C16orf96: variants seen among roughly 807,000 people sequenced by gnomAD.
The protein encoded by C16orf96 is uncharacterized protein C16orf96.
Under a neutral mutation model 103.6 loss-of-function variants are expected in C16orf96, and 108 were observed. The ratio of observed to expected loss-of-function variants is 1.04; its 90% confidence interval spans 0.89 to 1.22. The LOEUF (loss-of-function observed/expected upper bound fraction) is 1.22, where lower values mean the gene tolerates loss of function less well. C16orf96 is among the 50% of genes most tolerant of loss of function. The pLI is 0.00. For missense variants in C16orf96, 1,586 were observed against 1,464.2 expected, an observed-to-expected ratio of 1.08 and a Z score of -1.36; for synonymous variants, 566 against 593.5, an observed-to-expected ratio of 0.95 and a Z score of 0.67.
At chr16:4,568,326 T>C (rs1456531071) in intron 1 of C16orf96, among the ~76,000 whole-genome samples, 1 of 152,180 alleles carries the variant, frequency 6.6e-6, no homozygotes, top group Non-Finnish European at 1.5e-5. Context: ...CCCTGGAGAG[T>C]ATTCTATGTG....
At chr16:4,549,733 G>C in the C16orf96 span, among the ~76,000 whole-genome samples, 2 of 152,092 alleles carry the variant, frequency 1.3e-5, no homozygotes, top group Non-Finnish European at 2.9e-5. Flanking sequence ...GGGAGGCAGA[G>C]GTTGCAGTGA....
intron 1 of C16orf96, among the ~76,000 whole-genome samples, chr16:4,570,221 A>G (rs2059423065): frequency 6.6e-6 from 1 of 152,154 alleles, no homozygotes; most frequent in Non-Finnish European, 1.5e-5. Context: ...AGTGCTGATA[A>G]TTCGGAATAA....
chr16:4,580,239 A>T, intron 7 of C16orf96, 114 bp downstream of exon 7: 1 of 756,800 alleles, frequency 1.3e-6, no homozygotes, highest in Non-Finnish European at 2.0e-6. Context: ...TGAGGCTGGG[A>T]ACCAGTGGGG....
intron 8 of C16orf96, 97 bp downstream of exon 8, chr16:4,587,210 C>T: frequency 8.4e-7 from 1 of 1,187,292 alleles, no homozygotes; most frequent in Non-Finnish European, 1.2e-6. Context: ...CAGAATTTCC[C>T]TCCCCCTTTG....
At position 4,592,356 on chromosome 16, in the gene C16orf96, G is replaced by A. The variant is rs1399061328; in HGVS notation, c.2763G>A (p.Met921Ile). 1.9e-6 allele frequency: 3 copies of A among 1,551,554 alleles called. No individual in the cohort carries two copies. Among genetic ancestry groups the A allele is most frequent in the Non-Finnish European group, 2.6e-6 (3 of 1,147,004 alleles). The change falls in exon 11 of 16, where the codon ATG becomes ATA. Residue 921 changes from methionine to isoleucine, a missense_variant. Met to Ile is a conservative substitution (Grantham distance 10). Transcript: ENST00000444310. ...KCISCDRPVE[M>I]MTGPQLITIR... Reference sequence around the variant, plus strand: ...TCTCCTGTGACCGGCCTGTGGAGATGATGACTGGCCCGTGAGTACCACCGC... The same window carrying A: ...TCTCCTGTGACCGGCCTGTGGAGATAATGACTGGCCCGTGAGTACCACCGC...
At chr16:4,588,445 C>G in intron 9 of C16orf96, 114 bp downstream of exon 9, 1 of 1,242,156 alleles carries the variant, frequency 8.1e-7, no homozygotes, top group East Asian at 2.6e-5. Flanking sequence ...GGGAGTGACC[C>G]AGCAACTTAG....
intron 9 of C16orf96, among the ~76,000 whole-genome samples, chr16:4,589,708 A>T (rs1197250089): frequency 6.6e-6 from 1 of 152,194 alleles, no homozygotes; most frequent in Non-Finnish European, 1.5e-5. Flanking sequence ...TGGAGATGAC[A>T]TCCAATTCAG....
rs1567446423 is a variant in C16orf96 at position 4,575,968 on chromosome 16, T to A, written c.1488T>A (p.Asp496Glu). 2 of 1,549,876 alleles carry A rather than the reference T, an allele frequency of 1.3e-6. No homozygotes were observed. The highest frequency in any genetic ancestry group is 1.7e-4 in the Middle Eastern group (1 of 5,934). ...TCCCCAAAGATAGAGGTGGCAAGGA[T>A]GTGGACCCCAAGGATAGAGCTCACA... Reference protein sequence around the residue: ...DGVPKDRGGKDVDPKDRAHKD... With the variant: ...DGVPKDRGGKEVDPKDRAHKD... Residue 496 changes from aspartate (D) to glutamate (E), a missense_variant, in exon 5 of 16, where the codon GAT (aspartate) becomes GAA (glutamate). Asp to Glu is a conservative substitution (Grantham distance 45). Transcript: ENST00000444310.
At chr16:4,545,646 G>A in the C16orf96 span, among the ~76,000 whole-genome samples, 2 of 152,090 alleles carry the variant, frequency 1.3e-5, no homozygotes. Flanking sequence ...ATTTAGCAAA[G>A]AATTACCCTC....
chr16:4,540,967 G>A, the C16orf96 span, among the ~76,000 whole-genome samples: 17 of 150,804 alleles, frequency 1.1e-4, no homozygotes, highest in Non-Finnish European at 2.5e-4. Context: ...AGGCTGGAGT[G>A]CAGTGGCTCG....
intron 6 of C16orf96, 105 bp from the exon 7 acceptor site, chr16:4,579,910 C>A: frequency 1.0e-6 from 1 of 953,846 alleles, no homozygotes; most frequent in Non-Finnish European, 1.6e-6. Context: ...CACGCCCAGC[C>A]TGGTCTGGTA....
At chr16:4,587,010 G>A in intron 7 of C16orf96, 29 bp from the exon 8 acceptor site, 3 of 1,543,980 alleles carry the variant, frequency 1.9e-6, no homozygotes, top group Non-Finnish European at 2.6e-6. Flanking sequence ...TCTCCAGGAT[G>A]GCAGACATGC....
the C16orf96 span, among the ~76,000 whole-genome samples, chr16:4,547,389 G>A: frequency 1.3e-5 from 2 of 148,756 alleles, no homozygotes; most frequent in Admixed American, 1.3e-4. Context: ...CACCCACCTT[G>A]GCCTCCCAAA....
intron 9 of C16orf96, among the ~76,000 whole-genome samples, chr16:4,590,661 G>T (rs1177005379): frequency 6.6e-6 from 1 of 151,318 alleles, no homozygotes; most frequent in Non-Finnish European, 1.5e-5. Context: ...GAGGCGGGCA[G>T]ATCATGAAGT....
At chr16:4,574,677 C>A (rs1272051394) in intron 2 of C16orf96, 32 bp from the exon 3 acceptor site, 9 of 1,528,708 alleles carry the variant, frequency 5.9e-6, no homozygotes, top group Non-Finnish European at 8.0e-6. Context: ...AGAACCTGGA[C>A]CCCCAGTCCA....
the C16orf96 span, among the ~76,000 whole-genome samples, chr16:4,550,149 A>G: frequency 6.7e-6 from 1 of 148,340 alleles, no homozygotes; most frequent in African/African-American, 2.5e-5. Context: ...CAATGGCATG[A>G]TCTCAGCTCA....
intron 1 of C16orf96, chr16:4,560,716 G>A (rs2059320886): frequency 6.6e-6 from 1 of 152,214 alleles, no homozygotes; most frequent in African/African-American, 2.4e-5. Context: ...GGGAGGCTGA[G>A]GCAAGAGGAT....
In C16orf96 at chr16:4,576,117, A is replaced by T; in HGVS notation, c.1637A>T (p.Asp546Val). ...DGDPKDRVGK[D>V]GAPKEAQPKA... ...GACCCCAAGGATAGAGTTGGCAAGG[A>T]TGGGGCCCCCAAGGAAGCACAGCCT... Residue 546 changes from aspartate (D) to valine (V), a missense_variant, in exon 5 of 16, where the codon GAT becomes GTT. Transcript: ENST00000444310. The T allele has an allele frequency of 6.4e-7, 1 of 1,551,530 alleles. No individual in the cohort carries two copies. Among genetic ancestry groups the T allele is most frequent in the Non-Finnish European group, 8.7e-7 (1 of 1,146,972 alleles).
chr16:4,583,497 C>G (rs1189158790), intron 7 of C16orf96, among the ~76,000 whole-genome samples: 1 of 151,970 alleles, frequency 6.6e-6, no homozygotes, highest in Non-Finnish European at 1.5e-5. Flanking sequence ...CAGAGTGAGA[C>G]TCTGTCTCAA....
Sources: allele counts gnomAD v4.1 joint callset (sites outside exome capture counted in the v4.1 genomes callset), GRCh38; gene constraint gnomAD v4.1.1; transcripts MANE v1.5; gene names NCBI Gene and HGNC (gene_info 2026-07-23, HGNC 2026-07-21).